The following MRPS5 variants were observed in gnomAD, a reference collection of about 807,000 sequenced individuals.
The protein encoded by MRPS5 is mitochondrial ribosomal protein S5.
MRPS5 carries 27 observed loss-of-function variants against 51.9 expected under a neutral mutation model. The observed-to-expected ratio is 0.52, with a 90% CI of 0.38 to 0.72. The LOEUF (loss-of-function observed/expected upper bound fraction) is 0.72, where lower values mean the gene tolerates loss of function less well. MRPS5 is among the 30% of genes least tolerant of loss of function. The pLI, the probability that MRPS5 is intolerant of heterozygous loss-of-function variation, is 0.00. For synonymous variants in MRPS5, 196 were observed against 193.2 expected (o/e 1.01, Z -0.12); for missense variants, 570 against 545.7 (o/e 1.04, Z -0.44).
intron 4 of MRPS5, among the ~76,000 whole-genome samples, chr2:95,109,374 A>G (rs1287001532): frequency 6.6e-6 from 1 of 152,246 alleles, no homozygotes; most frequent in African/African-American, 2.4e-5. Flanking sequence ...TTACTCTTCC[A>G]AAAGCATGAG....
chr2:95,094,572 C>T (rs1181250955), intron 10 of MRPS5, among the ~76,000 whole-genome samples: 1 of 152,160 alleles, frequency 6.6e-6, no homozygotes, highest in African/African-American at 2.4e-5. Flanking sequence ...AGAGTGGGGG[C>T]CAATATTCAA....
intron 3 of MRPS5, among the ~76,000 whole-genome samples, chr2:95,113,261 G>A (rs895358647): frequency 6.6e-6 from 1 of 151,884 alleles, no homozygotes; most frequent in East Asian, 2.0e-4. Context: ...TGGATCACAA[G>A]GTCAGAAGAT....
chr2:95,095,444 C>T (rs1190255879), intron 10 of MRPS5, among the ~76,000 whole-genome samples: 1 of 152,164 alleles, frequency 6.6e-6, no homozygotes, highest in Non-Finnish European at 1.5e-5. Flanking sequence ...AAGTTGACCA[C>T]GTAGTTGGAA....
intron 7 of MRPS5, among the ~76,000 whole-genome samples, chr2:95,103,458 A>C (rs1343912367): frequency 6.6e-6 from 1 of 152,228 alleles, no homozygotes; most frequent in African/African-American, 2.4e-5. Flanking sequence ...GAAGTTGGCA[A>C]GGGTGAGATG....
chr2:95,110,247 C>T (rs546698188), intron 3 of MRPS5, among the ~76,000 whole-genome samples: 1 of 152,350 alleles, frequency 6.6e-6, no homozygotes, highest in Non-Finnish European at 1.5e-5. Context: ...CTATTACTTT[C>T]CTCCACAAAA....
intron 10 of MRPS5, among the ~76,000 whole-genome samples, chr2:95,100,147 C>A (rs878884200): frequency 6.6e-6 from 1 of 152,138 alleles, no homozygotes; most frequent in Admixed American, 6.5e-5. Context: ...ACTGAAACAC[C>A]TAAATGCATC....
At position 95,086,330 on chromosome 2, in the gene MRPS5, T is replaced by A. The variant is rs1346363835; in HGVS notation, c.*1027A>T. Among the ~76,000 whole-genome samples, 1 of 151,890 alleles carries A rather than the reference T, an allele frequency of 6.6e-6. No homozygotes were observed. Among genetic ancestry groups the A allele is most frequent in the Non-Finnish European group, 1.5e-5 (1 of 67,970 alleles). The stretch of plus-strand genomic sequence containing the variant: ...AGTCTCAGCAAATAGCCTCAGCAAA[T>A]AAAGAGAAGACATAAAAAATAAACC... On this transcript the variant is annotated 3_prime_UTR_variant, in exon 12 of 12. Transcript: ENST00000272418.
rs539850734 is a variant in MRPS5 at position 95,105,347 on chromosome 2, G to A, written c.673-617C>T. ...GACGGATCACGAGGTCAGGAGATCC[G>A]AGATCATCCTGGCTAACACAGTGAA... On this transcript the variant is annotated intron_variant, in intron 6 of 11. Transcript: ENST00000272418. Among the ~76,000 whole-genome samples the A allele has an allele frequency of 5.9e-5, 9 of 152,270 alleles. No individual in the cohort carries two copies. The South Asian group carries it at 8.3e-4, about 14-fold the overall frequency.
intron 7 of MRPS5, among the ~76,000 whole-genome samples, chr2:95,103,148 A>C (rs1675851616): frequency 6.6e-6 from 1 of 152,230 alleles, no homozygotes; most frequent in African/African-American, 2.4e-5. Flanking sequence ...AAGACTGATA[A>C]ATTTGCCACA....
chr2:95,094,261 G>A (rs1207157413), intron 10 of MRPS5, among the ~76,000 whole-genome samples: 1 of 152,188 alleles, frequency 6.6e-6, no homozygotes. Context: ...CATTTGATTG[G>A]TGTACCTGGA....
chr2:95,087,806 G>A (rs1675341814), intron 11 of MRPS5, among the ~76,000 whole-genome samples: 1 of 152,100 alleles, frequency 6.6e-6, no homozygotes, highest in Admixed American at 6.5e-5. Context: ...ATAGAGGAAG[G>A]GCCTTGGCCT....
intron 5 of MRPS5, 52 bp downstream of exon 5, chr2:95,108,123 A>G (rs1477067794): frequency 6.6e-7 from 1 of 1,509,694 alleles, no homozygotes; most frequent in African/African-American, 1.4e-5. Flanking sequence ...AGGAAATTCT[A>G]AACTACAAGT....
intron 10 of MRPS5, 118 bp downstream of exon 10, chr2:95,100,356 T>TA (rs1675759885): frequency 1.4e-6 from 1 of 698,472 alleles, no homozygotes; most frequent in South Asian, 1.9e-5. Flanking sequence ...ATAAGCCTTT[T>TA]ACATTTTGGT....
chr2:95,102,620 C>T (rs1422854040), intron 7 of MRPS5, among the ~76,000 whole-genome samples: 1 of 152,002 alleles, frequency 6.6e-6, no homozygotes, highest in Non-Finnish European at 1.5e-5. Flanking sequence ...CTTGATGGTG[C>T]AACTACACTC....
At chr2:95,121,638 T>C (rs1278278344) in intron 1 of MRPS5, 96 bp downstream of exon 1, 1 of 1,372,054 alleles carries the variant, frequency 7.3e-7, no homozygotes, top group Admixed American at 2.4e-5. Context: ...GGGCCGCGGC[T>C]TCTCGCTTCC....
chr2:95,104,656 G>A lies in MRPS5; in HGVS notation c.747C>T (p.Asn249=), dbSNP rs760287127. The change falls in exon 7 of 12, where the codon AAC becomes AAT. Residue 249 remains asparagine, a synonymous_variant. Coordinates refer to ENST00000272418, the MANE Select transcript of MRPS5 (RefSeq NM_031902.5). ...CCCATTCACCTGCAGCTCCTTTTCCGTTCCCCACAGCCACCAAGACACGGA... is the reference window on the plus strand; with the variant it reads ...CCCATTCACCTGCAGCTCCTTTTCCATTCCCCACAGCCACCAAGACACGGA... The part of the protein sequence containing the change: ...KSIRVLVAVG[N]GKGAAGFSIG... 59 of 1,613,802 alleles carry A rather than the reference G, an allele frequency of 3.7e-5. No homozygotes were observed. The highest frequency in any genetic ancestry group is 6.7e-5 in the African/African-American group (5 of 74,844).
chr2:95,100,595 C>A (rs1573334510), intron 9 of MRPS5, 59 bp from the exon 10 acceptor site: 1 of 1,304,934 alleles, frequency 7.7e-7, no homozygotes, highest in Non-Finnish European at 1.1e-6. Context: ...TAAGCCTTTG[C>A]AAATATCACA....
chr2:95,120,313 A>G (rs1437109293), intron 1 of MRPS5, among the ~76,000 whole-genome samples: 1 of 152,238 alleles, frequency 6.6e-6, no homozygotes, highest in African/African-American at 2.4e-5. Context: ...CCTTTACAAC[A>G]TTATGCTAAA....
Position 95,090,541 on chromosome 2 carries a change from G to T in MRPS5, c.932-19C>A. ...CCGTAACCTAGAAAAGGAGAAACCG[G>T]GTGAAACACAGCCCACTCGCCTGCA... On this transcript the variant is annotated intron_variant, in intron 10 of 11. Coordinates refer to ENST00000272418, the MANE Select transcript of MRPS5 (RefSeq NM_031902.5). 6.2e-7 allele frequency: 1 copy of T among 1,613,830 alleles called. No individual in the cohort carries two copies. The highest frequency in any genetic ancestry group is 8.5e-7 in the Non-Finnish European group (1 of 1,179,812).
Sources: allele counts gnomAD v4.1 joint callset (sites outside exome capture counted in the v4.1 genomes callset), GRCh38; gene constraint gnomAD v4.1.1; transcripts MANE v1.5; gene names NCBI Gene and HGNC (gene_info 2026-07-23, HGNC 2026-07-21).